The following KCND2 variants were observed in gnomAD, a reference collection of about 807,000 sequenced individuals.
The protein encoded by KCND2 is A-type voltage-gated potassium channel KCND2.
Under a neutral mutation model 54.4 loss-of-function variants are expected in KCND2, and 16 were observed. The ratio of observed to expected loss-of-function variants is 0.29; its 90% CI spans 0.20 to 0.45. The LOEUF is 0.45. Among genes scored for constraint, KCND2 ranks in the 20% least tolerant of loss-of-function variants. The pLI is 1.00. For missense variants in KCND2, 486 were observed against 824.2 expected (o/e 0.59, Z 5.02); for synonymous variants, 317 against 310.7 (o/e 1.02, Z -0.21).
Position 120,420,137 on chromosome 7 carries a change from T to A in KCND2, c.1115+144390T>A, listed in dbSNP as rs148004985. ...AAAGTGAGGTACATTTGTGTTGTTA[T>A]GAGTACTACATGTGATTAATCTATG... is the stretch of plus-strand genomic sequence containing the variant. On this transcript the variant is annotated intron_variant, in intron 1 of 5. Coordinates refer to ENST00000331113, the MANE Select transcript of KCND2 (RefSeq NM_012281.3). Among the ~76,000 whole-genome samples the A allele has an allele frequency of 9.2e-5, 14 of 152,260 alleles. No individual in the cohort carries two copies. In the South Asian group the frequency reaches 1.2e-3, roughly 14 times the overall value.
At chr7:120,434,800 T>A (rs991927650) in intron 1 of KCND2, among the ~76,000 whole-genome samples, 1 of 146,686 alleles carries the variant, frequency 6.8e-6, no homozygotes, top group Non-Finnish European at 1.5e-5. Flanking sequence ...TTCACTGCTG[T>A]GTAAAAAGAT....
At chr7:120,484,887 A>G (rs1802671149) in intron 1 of KCND2, among the ~76,000 whole-genome samples, 1 of 152,070 alleles carries the variant, frequency 6.6e-6, no homozygotes, top group Non-Finnish European at 1.5e-5. Context: ...CATTTAATGT[A>G]ATTTTTTTAA....
intron 1 of KCND2, among the ~76,000 whole-genome samples, chr7:120,550,847 T>A (rs1420351446): frequency 6.6e-6 from 1 of 152,134 alleles, no homozygotes; most frequent in Non-Finnish European, 1.5e-5. Flanking sequence ...ATGAATGGAG[T>A]TGGAAAAGCA....
intron 1 of KCND2, among the ~76,000 whole-genome samples, chr7:120,379,401 A>G (rs1198383136): frequency 6.6e-6 from 1 of 152,062 alleles, no homozygotes; most frequent in Non-Finnish European, 1.5e-5. Flanking sequence ...ACTGGCCTTC[A>G]TTTTAAATTC....
At position 120,582,554 on chromosome 7, in the gene KCND2, G is replaced by A. The variant is rs546968766; in HGVS notation, c.1116-150349G>A. Among the ~76,000 whole-genome samples, 41 of 152,090 alleles carry A rather than the reference G, an allele frequency of 2.7e-4. 2 individuals carry two copies. The South Asian group carries it at 8.5e-3, about 32-fold the overall frequency. ...CACACCTTAGATTGGTGTAGAATTT[G>A]TCTGCTGCAAGGCCTTAGGTCTCTT... On this transcript the variant is annotated intron_variant, in intron 1 of 5. Transcript: ENST00000331113.
At chr7:120,679,510 T>G (rs1792113603) in intron 1 of KCND2, among the ~76,000 whole-genome samples, 1 of 152,098 alleles carries the variant, frequency 6.6e-6, no homozygotes, top group Non-Finnish European at 1.5e-5. Context: ...CATGATTCCT[T>G]TTAAAATGAG....
intron 1 of KCND2, among the ~76,000 whole-genome samples, chr7:120,585,280 C>T (rs552429572): frequency 2.6e-5 from 4 of 151,306 alleles, no homozygotes; most frequent in Admixed American, 6.6e-5. Flanking sequence ...GAAATGTGGA[C>T]GGAAGAACAG....
At chr7:120,602,767 T>A (rs905187729) in intron 1 of KCND2, among the ~76,000 whole-genome samples, 1 of 152,230 alleles carries the variant, frequency 6.6e-6, no homozygotes, top group African/African-American at 2.4e-5. Context: ...TAGTTTTCAC[T>A]TTCTTCTCCA....
intron 1 of KCND2, among the ~76,000 whole-genome samples, chr7:120,590,601 G>C (rs1792658557): frequency 6.6e-6 from 1 of 152,112 alleles, no homozygotes; most frequent in Non-Finnish European, 1.5e-5. Context: ...TTTTGTGTCT[G>C]TATTTTTGGA....
At chr7:120,421,119 T>C (rs1801614665) in intron 1 of KCND2, among the ~76,000 whole-genome samples, 2 of 152,224 alleles carry the variant, frequency 1.3e-5, no homozygotes, top group Admixed American at 1.3e-4. Context: ...CTTGCAATTG[T>C]TATATTTCCT....
intron 1 of KCND2, among the ~76,000 whole-genome samples, chr7:120,575,758 TGTCTGGCTATGTTTG>T (rs1247289793): frequency 3.3e-5 from 5 of 152,216 alleles, no homozygotes; most frequent in African/African-American, 1.2e-4. Context: ...TAGCCCTGAA[TGTCTGGCTATGTTTG>T]GTTTGACCAG....
At chr7:120,354,946 A>C (rs1268112378) in intron 1 of KCND2, among the ~76,000 whole-genome samples, 1 of 152,192 alleles carries the variant, frequency 6.6e-6, no homozygotes, top group Non-Finnish European at 1.5e-5. Flanking sequence ...AGTAACATTA[A>C]AACACTTTTA....
At chr7:120,736,384 A>C (rs938637606) in intron 2 of KCND2, among the ~76,000 whole-genome samples, 3 of 151,888 alleles carry the variant, frequency 2.0e-5, no homozygotes, top group Admixed American at 6.6e-5. Flanking sequence ...CTAAACTGTG[A>C]CACCTCTCCT....
intron 1 of KCND2, among the ~76,000 whole-genome samples, chr7:120,495,358 C>G (rs753357170): frequency 3.3e-5 from 5 of 151,200 alleles, no homozygotes; most frequent in Non-Finnish European, 7.4e-5. Flanking sequence ...TTTTTTACCC[C>G]AATTCAGTAT....
intron 1 of KCND2, among the ~76,000 whole-genome samples, chr7:120,308,712 G>T (rs1274820935): frequency 6.6e-6 from 1 of 152,158 alleles, no homozygotes; most frequent in Non-Finnish European, 1.5e-5. Flanking sequence ...TGTGGGACAG[G>T]AGAAAACTGC....
At chr7:120,554,643 C>T (rs1041184353) in intron 1 of KCND2, among the ~76,000 whole-genome samples, 1 of 151,894 alleles carries the variant, frequency 6.6e-6, no homozygotes, top group Non-Finnish European at 1.5e-5. Flanking sequence ...CTCCTGACCT[C>T]GTGATCCGCC....
chr7:120,561,315 A>G (rs1792229569), intron 1 of KCND2, among the ~76,000 whole-genome samples: 1 of 152,174 alleles, frequency 6.6e-6, no homozygotes, highest in Non-Finnish European at 1.5e-5. Flanking sequence ...AAATATGGTA[A>G]ATAAAATTGG....
chr7:120,378,201 T>C (rs776698639), intron 1 of KCND2, among the ~76,000 whole-genome samples: 5 of 152,008 alleles, frequency 3.3e-5, no homozygotes, highest in Non-Finnish European at 5.9e-5. Flanking sequence ...AAAGTAATTC[T>C]ATATGCAATG....
intron 1 of KCND2, among the ~76,000 whole-genome samples, chr7:120,522,999 A>T (rs1248952508): frequency 1.3e-5 from 2 of 152,190 alleles, no homozygotes; most frequent in African/African-American, 4.8e-5. Flanking sequence ...GGGCAATTGA[A>T]GCAACCAGAG....
Sources: allele counts gnomAD v4.1 joint callset (sites outside exome capture counted in the v4.1 genomes callset), GRCh38; gene constraint gnomAD v4.1.1; transcripts MANE v1.5; gene names NCBI Gene and HGNC (gene_info 2026-07-23, HGNC 2026-07-21).